RAB11FIP3: variants seen among roughly 807,000 people sequenced by gnomAD.
RAB11FIP3 encodes the protein rab11 family-interacting protein 3.
In RAB11FIP3, 17 loss-of-function variants were observed where a neutral mutation model predicts 77.8. The ratio of observed to expected loss-of-function variants is 0.22; its 90% CI spans 0.15 to 0.33. RAB11FIP3 has a LOEUF of 0.33. RAB11FIP3 is among the 10% of genes least tolerant of loss of function. The probability of loss-of-function intolerance (pLI) is 1.00; values close to 1 mark genes in which losing one functional copy is unlikely to be tolerated. For synonymous variants in RAB11FIP3, 437 were observed against 448.2 expected, an observed-to-expected ratio of 0.98 and a Z score of 0.31; for missense variants, 1,005 against 1,011.2, an observed-to-expected ratio of 0.99 and a Z score of 0.08.
intron 5 of RAB11FIP3, among the ~76,000 whole-genome samples, chr16:492,847 C>T (rs1043888250): frequency 1.3e-5 from 2 of 152,174 alleles, no homozygotes; most frequent in African/African-American, 4.8e-5. Flanking sequence ...CCATGGTCGC[C>T]TCTGCTGGGC....
chr16:449,796 A>G (rs2141609754), intron 1 of RAB11FIP3, among the ~76,000 whole-genome samples: 1 of 152,192 alleles, frequency 6.6e-6, no homozygotes, highest in South Asian at 2.1e-4. Context: ...TACTAAAAAT[A>G]CAAAATTAGC....
chr16:487,797 CT>C (rs2056188080), intron 4 of RAB11FIP3, among the ~76,000 whole-genome samples: 1 of 152,238 alleles, frequency 6.6e-6, no homozygotes, highest in African/African-American at 2.4e-5. Context: ...GAGTCACTCC[CT>C]TCAGAAGGAG....
At chr16:515,967 G>A (rs999974413) in intron 9 of RAB11FIP3, among the ~76,000 whole-genome samples, 2 of 152,198 alleles carry the variant, frequency 1.3e-5, no homozygotes, top group East Asian at 1.9e-4. Context: ...ACCACCGAGC[G>A]CCCGGGTCCT....
chr16:487,649 C>T (rs996871765), intron 4 of RAB11FIP3, among the ~76,000 whole-genome samples: 4 of 152,240 alleles, frequency 2.6e-5, no homozygotes, highest in East Asian at 3.9e-4. Flanking sequence ...GGAGCAGCGC[C>T]GGGCCTGCAC....
chr16:494,377 C>A (rs1039617259), intron 5 of RAB11FIP3, among the ~76,000 whole-genome samples: 4 of 151,770 alleles, frequency 2.6e-5, no homozygotes, highest in Middle Eastern at 3.4e-3. Context: ...AATCCCAGCA[C>A]TTTGCGAGGC....
chr16:510,207 G>A (rs987257351), intron 8 of RAB11FIP3, among the ~76,000 whole-genome samples: 11 of 138,540 alleles, frequency 7.9e-5, no homozygotes, highest in Admixed American at 4.3e-4. Context: ...CTGAGCGCAC[G>A]CGTTGTGTGT....
intron 3 of RAB11FIP3, chr16:477,806 C>G (rs1003026563): frequency 6.7e-6 from 3 of 448,442 alleles, no homozygotes; most frequent in African/African-American, 6.4e-5. Flanking sequence ...AGGTACACTT[C>G]ACAGCACTCC....
At chr16:463,200 G>A (rs2055645794) in intron 2 of RAB11FIP3, among the ~76,000 whole-genome samples, 1 of 152,034 alleles carries the variant, frequency 6.6e-6, no homozygotes, top group South Asian at 2.1e-4. Flanking sequence ...CGGTGTAGGG[G>A]TGACGGTGGC....
At chr16:493,922 G>A (rs2030851715) in intron 5 of RAB11FIP3, among the ~76,000 whole-genome samples, 1 of 137,962 alleles carries the variant, frequency 7.2e-6, no homozygotes, top group Non-Finnish European at 1.5e-5. Flanking sequence ...TTTCTTTTTT[G>A]AGACAGAGTC....
At chr16:469,655 G>T (rs1217019243) in intron 2 of RAB11FIP3, among the ~76,000 whole-genome samples, 3 of 152,134 alleles carry the variant, frequency 2.0e-5, no homozygotes, top group Non-Finnish European at 2.9e-5. Context: ...CTCCCAAAGT[G>T]CTAGGATTAC....
Position 471,601 on chromosome 16 carries a change from T to C in RAB11FIP3, c.903+212T>C, listed in dbSNP as rs1375084490. ...CACGCCCTGTCAGCCTGGGCAGGAATCCTCCCCCAGGGCCTGTCGCCAGCA... is the reference window on the plus strand; with the variant it reads ...CACGCCCTGTCAGCCTGGGCAGGAACCCTCCCCCAGGGCCTGTCGCCAGCA... On this transcript the variant is annotated intron_variant, in intron 3 of 13. Transcript: ENST00000262305. The surrounding 1 kb of genome is among the most constrained non-coding windows in gnomAD (Gnocchi z 4.4). 6.6e-6 allele frequency among the ~76,000 whole-genome samples: 1 copy of C among 151,948 alleles called. No homozygotes were observed. The highest frequency in any genetic ancestry group is 1.5e-5 in the Non-Finnish European group (1 of 67,996).
At chr16:519,915 C>A in intron 11 of RAB11FIP3, 24 bp downstream of exon 11, 1 of 1,558,348 alleles carries the variant, frequency 6.4e-7, no homozygotes, top group Non-Finnish European at 8.7e-7. Flanking sequence ...CTGCCCCACG[C>A]CCAGTCCTGC....
Position 520,507 on chromosome 16 carries a change from A to G in RAB11FIP3, c.2065A>G (p.Ile689Val), listed in dbSNP as rs745721310. 13 of 1,613,654 alleles carry G rather than the reference A, an allele frequency of 8.1e-6. No homozygotes were observed. In the South Asian group the frequency reaches 1.4e-4, roughly 18 times the overall value. ...GAACGAGGAGCTGAACGGGCAGATC[A>G]TTACCCTCAGCATCCAGGGCGCCAA... ...EQNEELNGQI[I>V]TLSIQGAKSL... Residue 689 changes from isoleucine (I) to valine (V), a missense_variant, in exon 13 of 14, where the codon ATT (isoleucine) becomes GTT (valine). Ile to Val is a conservative substitution (Grantham distance 29). This residue lies in a region of RAB11FIP3 where 90 missense variants were observed against 129.7 expected (regional missense o/e 0.69). Coordinates refer to ENST00000262305, the MANE Select transcript of RAB11FIP3 (RefSeq NM_014700.4).
chr16:520,821 C>T lies in RAB11FIP3; in HGVS notation c.2253C>T (p.Ser751=). The T allele has an allele frequency of 6.2e-7, 1 of 1,613,692 alleles. No homozygotes were observed. The highest frequency in any genetic ancestry group is 8.5e-7 in the Non-Finnish European group (1 of 1,179,962). ...IIVAIMETNP[S]ILEVK ...TGGCCATCATGGAGACCAACCCGTC[C>T]ATCCTGGAGGTCAAGTAGAGGCAGG... The change falls in exon 14 of 14, where the codon TCC becomes TCT. Residue 751 remains serine (S), a synonymous_variant. Coordinates refer to ENST00000262305, the MANE Select transcript of RAB11FIP3 (RefSeq NM_014700.4).
Position 443,807 on chromosome 16 carries a change from G to A in RAB11FIP3, c.714+17087G>A, listed in dbSNP as rs145722319. Reference sequence around the variant, plus strand: ...TCTAGATCTCCTGACCTTGTGATCCGCCCGCCTTGGCCTCCCAAAGTGCTG... The same window carrying A: ...TCTAGATCTCCTGACCTTGTGATCCACCCGCCTTGGCCTCCCAAAGTGCTG... On this transcript the variant is annotated intron_variant, in intron 1 of 13. Coordinates refer to ENST00000262305, the MANE Select transcript of RAB11FIP3 (RefSeq NM_014700.4). Among the ~76,000 whole-genome samples the A allele has an allele frequency of 8.2e-3, 1,253 of 152,276 alleles. 17 individuals are homozygous for A. Among genetic ancestry groups the A allele is most frequent in the African/African-American group, 0.028 (1,183 of 41,562 alleles).
intron 1 of RAB11FIP3, among the ~76,000 whole-genome samples, chr16:440,451 C>T (rs1012513254): frequency 6.9e-4 from 105 of 152,220 alleles, no homozygotes; most frequent in Admixed American, 1.1e-3. Flanking sequence ...CGTCCCTTCC[C>T]TGGGATCAGT....
At chr16:490,872 G>A (rs2030115154) in intron 5 of RAB11FIP3, among the ~76,000 whole-genome samples, 1 of 152,166 alleles carries the variant, frequency 6.6e-6, no homozygotes, top group Non-Finnish European at 1.5e-5. Flanking sequence ...TTTCTTCTGG[G>A]CACCCGACCC....
chr16:510,004 G>A (rs1022619087), intron 8 of RAB11FIP3, among the ~76,000 whole-genome samples: 1 of 152,168 alleles, frequency 6.6e-6, no homozygotes, highest in African/African-American at 2.4e-5. Context: ...TGTGGCCCTT[G>A]GGCCCTGGCA....
Position 491,141 on chromosome 16 carries a change from C to T in RAB11FIP3, c.1265+2141C>T, listed in dbSNP as rs28562111. On this transcript the variant is annotated intron_variant, in intron 5 of 13. Transcript: ENST00000262305. ...ATGCTTCTGTCTCTCTAGCACTGAC[C>T]CTCTTGCCGCAAAGCTGCACAGCAT... is the stretch of plus-strand genomic sequence containing the variant. 2.5e-4 allele frequency: 323 copies of T among 1,302,010 alleles called. 1 individual carries two copies. In the African/African-American group the frequency reaches 4.4e-3, roughly 18 times the overall value. 80.7% of individuals were successfully genotyped at this position (1,302,010 alleles called of 1,614,324 possible). A position where few individuals can be genotyped will look rare whatever the true frequency, so the allele number is the denominator to read the frequency against.
Sources: allele counts gnomAD v4.1 joint callset (sites outside exome capture counted in the v4.1 genomes callset), GRCh38; gene constraint gnomAD v4.1.1; regional missense constraint gnomAD v4.1.1; non-coding constraint Gnocchi (gnomAD v3.1); transcripts MANE v1.5; gene names NCBI Gene and HGNC (gene_info 2026-07-23, HGNC 2026-07-21).